Variants in HSD11B2 observed in about 807,000 individuals in gnomAD.
HSD11B2 encodes the protein 11-beta-hydroxysteroid dehydrogenase type 2.
HSD11B2 carries 17 observed loss-of-function variants against 20.9 expected under a neutral mutation model. That is an observed-to-expected ratio of 0.81 (90% CI 0.56 to 1.22). The LOEUF (loss-of-function observed/expected upper bound fraction) is 1.22. HSD11B2 is among the 50% of genes most tolerant of loss of function. The pLI, the probability that HSD11B2 is intolerant of heterozygous loss-of-function variation, is 0.00. For missense variants in HSD11B2, 480 were observed against 563.6 expected (o/e 0.85, Z 1.50); for synonymous variants, 253 against 255.4 (o/e 0.99, Z 0.09).
In HSD11B2 at chr16:67,437,314, AG is replaced by A; in HGVS notation, c.*313del. ...GCAAGACTTCACTGCAGCCTTTCACAGGACTCTGCAGATAGTGCCTCTGCAA... is the reference window on the plus strand; with the variant it reads ...GCAAGACTTCACTGCAGCCTTTCACAGACTCTGCAGATAGTGCCTCTGCAA... On this transcript the variant is annotated 3_prime_UTR_variant, in exon 5 of 5. Transcript: ENST00000326152. 2.0e-6 allele frequency: 1 copy of A among 495,064 alleles called. No homozygotes were observed. Among genetic ancestry groups the A allele is most frequent in the South Asian group, 2.5e-5 (1 of 39,430 alleles). The allele number at this position is 495,064 out of a possible 1,614,324, so 30.7% of individuals were successfully genotyped here. A position where few individuals can be genotyped will look rare whatever the true frequency, so the allele number is the denominator to read the frequency against.
Position 67,436,191 on chromosome 16 carries a change from G to A in HSD11B2, c.664+49G>A. On this transcript the variant is annotated intron_variant, in intron 3 of 4. Transcript: ENST00000326152. This position sits in a 1 kb window ranked among gnomAD's most constrained non-coding sequence, Gnocchi z 5.7. Reference sequence around the variant, plus strand: ...CAAAAAGGAGCCCCCTGGGGTGGGGGAGGGCTTAGGGAGCCCCTTGCCAAA... The same window carrying A: ...CAAAAAGGAGCCCCCTGGGGTGGGGAAGGGCTTAGGGAGCCCCTTGCCAAA... 3 of 1,613,792 alleles carry A rather than the reference G, an allele frequency of 1.9e-6. No individual in the cohort carries two copies. Among genetic ancestry groups the A allele is most frequent in the South Asian group, 2.2e-5 (2 of 91,076 alleles).
rs2040948283 is a variant in HSD11B2 at position 67,433,594 on chromosome 16, A to G, written c.266-2034A>G. ...GACCACAGAGCTGAGGCCTGTGGTCAGCTCAGGTCAGAACTGGGAGGTCTG... is the reference window on the plus strand; with the variant it reads ...GACCACAGAGCTGAGGCCTGTGGTCGGCTCAGGTCAGAACTGGGAGGTCTG... On this transcript the variant is annotated intron_variant, in intron 1 of 4. Coordinates refer to ENST00000326152, the MANE Select transcript of HSD11B2 (RefSeq NM_000196.4). Among the ~76,000 whole-genome samples the G allele has an allele frequency of 3.9e-5, 6 of 152,032 alleles. No individual in the cohort carries two copies. The South Asian group carries it at 1.0e-3, about 26-fold the overall frequency.
Position 67,435,574 on chromosome 16 carries a change from C to T in HSD11B2, c.266-54C>T, listed in dbSNP as rs760348556. 3.4e-5 allele frequency: 49 copies of T among 1,458,370 alleles called. No individual in the cohort carries two copies. In the Middle Eastern group the frequency reaches 6.9e-4, roughly 20 times the overall value. The allele number at this position is 1,458,370 out of a possible 1,614,324, so 90.3% of individuals were successfully genotyped here. A position where few individuals can be genotyped will look rare whatever the true frequency, so the allele number is the denominator to read the frequency against. On this transcript the variant is annotated intron_variant, in intron 1 of 4. Coordinates refer to ENST00000326152, the MANE Select transcript of HSD11B2 (RefSeq NM_000196.4). Reference sequence around the variant, plus strand: ...CAGACCCTGGTGATTCTGGGGTTGTCTCAGGCTAGGCTGGGCCACAGTGGA... The same window carrying T: ...CAGACCCTGGTGATTCTGGGGTTGTTTCAGGCTAGGCTGGGCCACAGTGGA...
rs1358453257 is a variant in HSD11B2, at chr16:67,435,953, C to G, written c.479-4C>G. The G allele has an allele frequency of 6.2e-7, 1 of 1,614,214 alleles. No homozygotes were observed. Among genetic ancestry groups the G allele is most frequent in the East Asian group, 2.2e-5 (1 of 44,892 alleles). Reference sequence around the variant, plus strand: ...GGCTTCCCTCCTCTGCTCTGTGACCCCAGGCCTGTGGGGCCTCGTCAACAA... The same window carrying G: ...GGCTTCCCTCCTCTGCTCTGTGACCGCAGGCCTGTGGGGCCTCGTCAACAA... On this transcript the variant is annotated splice_region_variant and splice_polypyrimidine_tract_variant and intron_variant, in intron 2 of 4. Transcript: ENST00000326152.
Position 67,435,875 on chromosome 16 carries a change from C to T in HSD11B2, c.478+35C>T, listed in dbSNP as rs772289125. ...AAGTGTCCACCAGGCAAGGGCGTGGCAGGGGAGTGGGAAGGACACGGGGAC... is the reference window on the plus strand; with the variant it reads ...AAGTGTCCACCAGGCAAGGGCGTGGTAGGGGAGTGGGAAGGACACGGGGAC... On this transcript the variant is annotated intron_variant, in intron 2 of 4. Transcript: ENST00000326152. The T allele has an allele frequency of 1.1e-5, 18 of 1,613,494 alleles. No individual in the cohort carries two copies. The Admixed American group carries it at 3.0e-4, about 27-fold the overall frequency.
rs541014150 is a variant in HSD11B2, at chr16:67,433,125, A to C, written c.265+1612A>C. 6 of 152,264 alleles carry C rather than the reference A, an allele frequency of 3.9e-5. No individual in the cohort carries two copies. The East Asian group carries it at 1.2e-3, about 29-fold the overall frequency. 9.4% of individuals were successfully genotyped at this position (152,264 alleles called of 1,614,324 possible). ...TGCTTTCTCTAACTTGGGCTCCTCC[A>C]ATCTCTGGTTGCAAAGCTGGGGTTG... On this transcript the variant is annotated intron_variant, in intron 1 of 4. Transcript: ENST00000326152.
rs753129876 is a variant in HSD11B2 at position 67,436,685 on chromosome 16, C to T, written c.900C>T (p.Ile300=). The T allele has an allele frequency of 4.3e-6, 7 of 1,614,052 alleles. No homozygotes were observed. Among genetic ancestry groups the T allele is most frequent in the African/African-American group, 1.3e-5 (1 of 74,930 alleles). Reference sequence around the variant, plus strand: ...TGCAGGCCTACGGCAAGGACTACATCGAGCACTTGCATGGGCAGTTCCTGC... The same window carrying T: ...TGCAGGCCTACGGCAAGGACTACATTGAGCACTTGCATGGGCAGTTCCTGC... ...ELLQAYGKDY[I]EHLHGQFLHS... The change falls in exon 5 of 5, where the codon ATC becomes ATT. Residue 300 remains isoleucine (I), a synonymous_variant. Coordinates refer to ENST00000326152, the MANE Select transcript of HSD11B2 (RefSeq NM_000196.4). This position sits in a 1 kb window ranked among gnomAD's most constrained non-coding sequence, Gnocchi z 5.7.
Position 67,436,115 on chromosome 16 carries a change from C to A in HSD11B2, c.637C>A (p.Arg213Ser), listed in dbSNP as rs28934591. 2 of 1,613,792 alleles carry A rather than the reference C, an allele frequency of 1.2e-6. No individual in the cohort carries two copies. Among genetic ancestry groups the A allele is most frequent in the Non-Finnish European group, 1.7e-6 (2 of 1,179,990 alleles). Reference sequence around the variant, plus strand: ...GCCCCTGCTGCGCAGCTCAAGGGGCCGCATCGTGACTGTGGGGAGCCCAGC... The same window carrying A: ...GCCCCTGCTGCGCAGCTCAAGGGGCAGCATCGTGACTGTGGGGAGCCCAGC... Reference protein sequence around the residue: ...LLPLLRSSRGRIVTVGSPAGD... With the variant: ...LLPLLRSSRGSIVTVGSPAGD... The change falls in exon 3 of 5, where the codon CGC (arginine) becomes AGC (serine). Residue 213 changes from arginine to serine, a missense_variant. Arg to Ser is a moderately radical substitution (Grantham distance 110, BLOSUM62 -1). Around this residue, in one of 2 missense-constraint regions of HSD11B2, gnomAD observed 374 missense variants for 480.9 expected, o/e 0.78. Transcript: ENST00000326152. The surrounding 1 kb of genome is among the most constrained non-coding windows in gnomAD (Gnocchi z 5.7).
chr16:67,431,563 C>A, intron 1 of HSD11B2, 50 bp downstream of exon 1: 2 of 1,300,664 alleles, frequency 1.5e-6, no homozygotes, highest in South Asian at 2.1e-5. Flanking sequence ...GAGGGCGGGA[C>A]TGGACACTCA....
intron 1 of HSD11B2, among the ~76,000 whole-genome samples, chr16:67,433,699 CACA>C (rs1424372109): frequency 2.3e-5 from 3 of 132,340 alleles, no homozygotes; most frequent in Admixed American, 1.5e-4. Context: ...CACACACACA[CACA>C]CACACACACA....
rs753289535 is a variant in HSD11B2 at position 67,436,662 on chromosome 16, C to T, written c.877C>T (p.Gln293Ter). 1 of 1,614,214 alleles carries T rather than the reference C, an allele frequency of 6.2e-7. No homozygotes were observed. Among genetic ancestry groups the T allele is most frequent in the African/African-American group, 1.3e-5 (1 of 75,056 alleles). ...GGCCAACCTGCCTCAAGAGCTGCTG[C>T]AGGCCTACGGCAAGGACTACATCGA... ...LLANLPQELL[Q>*]AYGKDYIEHL... The change falls in exon 5 of 5, where the codon CAG becomes TAG. Residue 293 changes from glutamine (Q) to a stop codon, truncating the protein, a stop_gained. Transcript: ENST00000326152. LOFTEE classifies it high-confidence loss of function. This position sits in a 1 kb window ranked among gnomAD's most constrained non-coding sequence, Gnocchi z 5.7.
rs765574993 is a variant in HSD11B2, at chr16:67,431,372, G to A, written c.124G>A (p.Ala42Thr). Residue 42 changes from alanine (A) to threonine (T), a missense_variant, in exon 1 of 5, where the codon GCC becomes ACC. By Grantham distance (58) the Ala-to-Thr change is moderately conservative (BLOSUM62 0). Around this residue, in one of 2 missense-constraint regions of HSD11B2, gnomAD observed 106 missense variants for 82.8 expected, o/e 1.28. Transcript: ENST00000326152. ...GCTGCTGGCGGCGCTGGCGCTGCTG[G>A]CCGCGCTCGACTGGCTGTGCCAGCG... ...RPLLAALALLAALDWLCQRLL... is the reference protein window; with the variant it reads ...RPLLAALALLTALDWLCQRLL... 2.9e-4 allele frequency: 358 copies of A among 1,253,710 alleles called. 3 individuals carry two copies. Among genetic ancestry groups the A allele is most frequent in the Admixed American group, 2.9e-4 (9 of 30,806 alleles). 77.7% of individuals were successfully genotyped at this position (1,253,710 alleles called of 1,614,324 possible).
chr16:67,431,460 G>C lies in HSD11B2; in HGVS notation c.212G>C (p.Arg71Pro), dbSNP rs1420046998. 7.2e-7 allele frequency: 1 copy of C among 1,389,420 alleles called. No individual in the cohort carries two copies. Among genetic ancestry groups the C allele is most frequent in the Non-Finnish European group, 9.3e-7 (1 of 1,069,538 alleles). The allele number at this position is 1,389,420 out of a possible 1,614,324, so 86.1% of individuals were successfully genotyped here. A position where few individuals can be genotyped will look rare whatever the true frequency, so the allele number is the denominator to read the frequency against. Residue 71 changes from arginine (R) to proline (P), a missense_variant, in exon 1 of 5, where the codon CGC becomes CCC. Coordinates refer to ENST00000326152, the MANE Select transcript of HSD11B2 (RefSeq NM_000196.4). ...GCCGCCGGCTGGATCGCGTTGTCCC[G>C]CCTGGCGCGCCCGCAGCGCCTGCCG... ...LAAAGWIALSRLARPQRLPVA... is the reference protein window; with the variant it reads ...LAAAGWIALSPLARPQRLPVA...
intron 1 of HSD11B2, among the ~76,000 whole-genome samples, chr16:67,432,261 G>GC (rs1039891469): frequency 4.7e-5 from 6 of 128,366 alleles, no homozygotes; most frequent in African/African-American, 1.6e-4. Context: ...GAAGGGGAAG[G>GC]GGGGGGGGGG....
At chr16:67,434,902 AC>A (rs2040958310) in intron 1 of HSD11B2, among the ~76,000 whole-genome samples, 1 of 151,930 alleles carries the variant, frequency 6.6e-6, no homozygotes, top group Admixed American at 6.6e-5. Flanking sequence ...GGTGATGCGC[AC>A]CTGTAGTCTC....
upstream of HSD11B2, chr16:67,430,778 G>A (rs924256716): frequency 1.3e-5 from 2 of 152,492 alleles, no homozygotes; most frequent in Admixed American, 6.5e-5. The surrounding 1 kb of genome is among the most constrained non-coding windows in gnomAD (Gnocchi z 5.4). Context: ...TCCCGAACAA[G>A]CGTGAGTGGC....
chr16:67,435,032 C>CAA (rs1057333024), intron 1 of HSD11B2, among the ~76,000 whole-genome samples: 3 of 70,348 alleles, frequency 4.3e-5, no homozygotes, highest in African/African-American at 1.1e-4. Context: ...CCGTCTCAAA[C>CAA]AAAAAAAAAA....
In HSD11B2 at chr16:67,436,041, G is replaced by T; in HGVS notation, c.563G>T (p.Cys188Phe). The T allele has an allele frequency of 6.2e-7, 1 of 1,614,236 alleles. No individual in the cohort carries two copies. Among genetic ancestry groups the T allele is most frequent in the Non-Finnish European group, 8.5e-7 (1 of 1,180,046 alleles). ...ELSPVATFRSCMEVNFFGALE... is the reference protein window; with the variant it reads ...ELSPVATFRSFMEVNFFGALE... ...TCTCCAGTGGCCACTTTCCGTAGCT[G>T]CATGGAGGTGAATTTCTTTGGCGCG... The change falls in exon 3 of 5, where the codon TGC (cysteine) becomes TTC (phenylalanine). Residue 188 changes from cysteine (C) to phenylalanine (F), a missense_variant. This residue lies in a region of HSD11B2 where 374 missense variants were observed against 480.9 expected (regional missense o/e 0.78). Transcript: ENST00000326152. This position sits in a 1 kb window ranked among gnomAD's most constrained non-coding sequence, Gnocchi z 5.7.
At chr16:67,430,021 C>T (rs909600933), upstream of HSD11B2, among the ~76,000 whole-genome samples, 1 of 152,084 alleles carries the variant, frequency 6.6e-6, no homozygotes, top group African/African-American at 2.4e-5. This position sits in a 1 kb window ranked among gnomAD's most constrained non-coding sequence, Gnocchi z 5.4. Flanking sequence ...ACCCCTCTGT[C>T]GAGGGCTACA....
Sources: allele counts gnomAD v4.1 joint callset (sites outside exome capture counted in the v4.1 genomes callset), GRCh38; gene constraint gnomAD v4.1.1; regional missense constraint gnomAD v4.1.1; non-coding constraint Gnocchi (gnomAD v3.1); transcripts MANE v1.5; gene names NCBI Gene and HGNC (gene_info 2026-07-23, HGNC 2026-07-21).